Variants in PRKG1 observed in about 807,000 individuals in gnomAD.
The protein encoded by PRKG1 is protein kinase cGMP-dependent 1.
A neutral mutation model predicts 88.1 loss-of-function variants in PRKG1; 35 were observed. That is an observed-to-expected ratio of 0.40 (90% CI 0.30 to 0.53). The LOEUF is 0.53. Ranked by LOEUF, PRKG1 falls within the 20% of genes least tolerant of loss-of-function variation. The pLI is 0.59. For synonymous variants in PRKG1, 303 were observed against 292.5 expected, an observed-to-expected ratio of 1.04 and a Z score of -0.37; for missense variants, 540 against 839.8, an observed-to-expected ratio of 0.64 and a Z score of 4.41.
chr10:52,072,300 T>G (rs1846522258), intron 7 of PRKG1, among the ~76,000 whole-genome samples: 1 of 152,032 alleles, frequency 6.6e-6, no homozygotes, highest in Non-Finnish European at 1.5e-5. Flanking sequence ...GTGGGAATTT[T>G]TATTTCTGTT....
chr10:52,229,363 T>C (rs1030573323), intron 9 of PRKG1, among the ~76,000 whole-genome samples: 2 of 152,224 alleles, frequency 1.3e-5, no homozygotes, highest in African/African-American at 4.8e-5. Flanking sequence ...TTCACCTGCA[T>C]ATTACTGAAG....
chr10:51,698,567 C>T, intron 3 of PRKG1: 1 of 1,613,976 alleles, frequency 6.2e-7, no homozygotes. Context: ...TCCTAACAGT[C>T]CTCGAGGAGG....
At chr10:51,087,350 A>G (rs1330859114) in intron 1 of PRKG1, among the ~76,000 whole-genome samples, 1 of 152,194 alleles carries the variant, frequency 6.6e-6, no homozygotes, top group Non-Finnish European at 1.5e-5. Context: ...TATTTGTCCA[A>G]CTGTATACCA....
intron 5 of PRKG1, among the ~76,000 whole-genome samples, chr10:52,022,678 T>C (rs1309497617): frequency 6.6e-6 from 1 of 152,128 alleles, no homozygotes; most frequent in Non-Finnish European, 1.5e-5. Context: ...AAAATAATAT[T>C]TTTCTCCTAC....
intron 4 of PRKG1, among the ~76,000 whole-genome samples, chr10:51,890,402 T>C (rs1424450377): frequency 6.6e-6 from 1 of 152,206 alleles, no homozygotes; most frequent in Non-Finnish European, 1.5e-5. Flanking sequence ...GGATAAATTG[T>C]ATGGTTATAT....
At chr10:51,290,803 T>C (rs1840564336) in intron 2 of PRKG1, among the ~76,000 whole-genome samples, 1 of 152,088 alleles carries the variant, frequency 6.6e-6, no homozygotes. Context: ...CTGACTTATT[T>C]TGGGGAGGGT....
intron 1 of PRKG1, among the ~76,000 whole-genome samples, chr10:51,132,597 C>G (rs1310129901): frequency 6.6e-6 from 1 of 150,710 alleles, no homozygotes; most frequent in African/African-American, 2.4e-5. Flanking sequence ...CTCTGTTTGT[C>G]TGATTTAATA....
intron 2 of PRKG1, among the ~76,000 whole-genome samples, chr10:51,435,441 T>TGTCATATGACATATATATATATAA (rs1180297550): frequency 2.0e-4 from 30 of 151,782 alleles, no homozygotes; most frequent in African/African-American, 6.8e-4. Flanking sequence ...TATATATATA[T>TGTCATATGACATATATATATATAA]ATGTCATATG....
At chr10:51,034,668 T>TATATATATATA (rs1554831109) in intron 1 of PRKG1, among the ~76,000 whole-genome samples, 1 of 68,188 alleles carries the variant, frequency 1.5e-5, no homozygotes, top group Non-Finnish European at 2.7e-5. Context: ...AATATGTTAT[T>TATATATATATA]TATATATATA....
At chr10:51,726,399 G>A (rs1427761719) in intron 3 of PRKG1, among the ~76,000 whole-genome samples, 1 of 152,160 alleles carries the variant, frequency 6.6e-6, no homozygotes, top group Non-Finnish European at 1.5e-5. Context: ...TAAAACCATT[G>A]AAACTTCCTC....
chr10:51,040,311 CTTTTTTTTTTTTTT>C (rs34444612), intron 1 of PRKG1, among the ~76,000 whole-genome samples: 1 of 42,584 alleles, frequency 2.3e-5, no homozygotes. Flanking sequence ...TTCTTTTTCT[CTTTTTTTTTTTTTT>C]TTTTTTTTTT....
At chr10:51,831,377 A>G (rs1406725058) in intron 4 of PRKG1, among the ~76,000 whole-genome samples, 1 of 99,970 alleles carries the variant, frequency 1.0e-5, no homozygotes, top group East Asian at 2.9e-4. Context: ...CTAACCCCAG[A>G]AAAAAAAAAT....
chr10:51,610,227 A>C (rs1019302842), intron 3 of PRKG1, among the ~76,000 whole-genome samples: 2 of 152,120 alleles, frequency 1.3e-5, no homozygotes, highest in Non-Finnish European at 2.9e-5. Context: ...AGAAGAGCTT[A>C]TTCCTTCTAT....
At chr10:51,655,067 G>A (rs1381126834) in intron 3 of PRKG1, among the ~76,000 whole-genome samples, 4 of 152,180 alleles carry the variant, frequency 2.6e-5, no homozygotes, top group Non-Finnish European at 5.9e-5. Context: ...AGAAGACACT[G>A]CTGATGGTGC....
chr10:51,166,135 G>A (rs1846532214), intron 2 of PRKG1, among the ~76,000 whole-genome samples: 1 of 150,536 alleles, frequency 6.6e-6, no homozygotes, highest in South Asian at 2.1e-4. Flanking sequence ...AATACCTTCA[G>A]CAACATTGCT....
chr10:52,011,095 C>G (rs1844868346), intron 5 of PRKG1, among the ~76,000 whole-genome samples: 1 of 152,186 alleles, frequency 6.6e-6, no homozygotes, highest in South Asian at 2.1e-4. Context: ...GTACCCAGAG[C>G]AGAATGTGGT....
chr10:51,860,242 T>G (rs756431397), intron 4 of PRKG1, among the ~76,000 whole-genome samples: 2 of 152,196 alleles, frequency 1.3e-5, no homozygotes, highest in African/African-American at 4.8e-5. Flanking sequence ...CCTCAAAGTT[T>G]GTGGCTTAAA....
chr10:51,992,626 G>A (rs188066352), intron 5 of PRKG1, among the ~76,000 whole-genome samples: 105 of 151,978 alleles, frequency 6.9e-4, no homozygotes, highest in African/African-American at 2.1e-3. Flanking sequence ...CCCCAAAATC[G>A]TATCTTTTCT....
chr10:51,352,143 G>A (rs994610442), intron 2 of PRKG1, among the ~76,000 whole-genome samples: 1 of 152,018 alleles, frequency 6.6e-6, no homozygotes, highest in African/African-American at 2.4e-5. Context: ...TTTGATTACT[G>A]TAGCCCTGTA....
Sources: allele counts gnomAD v4.1 joint callset (sites outside exome capture counted in the v4.1 genomes callset), GRCh38; gene constraint gnomAD v4.1.1; transcripts MANE v1.5; gene names NCBI Gene and HGNC (gene_info 2026-07-23, HGNC 2026-07-21).